Variants in NUBP1 observed in about 807,000 individuals in gnomAD.
The protein encoded by NUBP1 is NUBP iron-sulfur cluster assembly factor 1, cytosolic.
Under a neutral mutation model 41.8 loss-of-function variants are expected in NUBP1, and 46 were observed. The ratio of observed to expected loss-of-function variants is 1.10; its 90% CI spans 0.87 to 1.41. NUBP1 has a LOEUF of 1.41. NUBP1 is among the 40% of genes most tolerant of loss of function. NUBP1 has a pLI of 0.00. For synonymous variants in NUBP1, 189 were observed against 154.6 expected, an observed-to-expected ratio of 1.22 and a Z score of -1.65; for missense variants, 494 against 414.0, an observed-to-expected ratio of 1.19 and a Z score of -1.68.
In NUBP1 at chr16:10,743,954, T is replaced by C. The variant is rs775868146; in HGVS notation, c.20-7T>C. On this transcript the variant is annotated splice_region_variant and splice_polypyrimidine_tract_variant and intron_variant, in intron 1 of 10. Coordinates refer to ENST00000283027, the MANE Select transcript of NUBP1 (RefSeq NM_002484.4). ...GCTGCTCTAACTGTGGTCTTGTCTC[T>C]GCGCAGACTGTCCAGGGGCCGACAG... 4 of 1,592,154 alleles carry C rather than the reference T, an allele frequency of 2.5e-6. No homozygotes were observed. The highest frequency in any genetic ancestry group is 2.7e-5 in the African/African-American group (2 of 73,814).
chr16:10,760,179 T>C (rs1900844314), intron 7 of NUBP1, among the ~76,000 whole-genome samples: 1 of 152,248 alleles, frequency 6.6e-6, no homozygotes, highest in South Asian at 2.1e-4. Context: ...AGAGCAGGGA[T>C]TGGCAAACTT....
intron 9 of NUBP1, chr16:10,763,943 A>G: frequency 5.5e-6 from 1 of 180,772 alleles, no homozygotes; most frequent in Non-Finnish European, 1.2e-5. Context: ...TCCCAGCCCA[A>G]GGGAGTATCT....
rs755187193 is a variant in NUBP1 at position 10,752,625 on chromosome 16, A to G, written c.274A>G (p.Ile92Val). Residue 92 changes from isoleucine to valine, a missense_variant, in exon 4 of 11, where the codon ATC (isoleucine) becomes GTC (valine). Coordinates refer to ENST00000283027, the MANE Select transcript of NUBP1 (RefSeq NM_002484.4). ...DENTQIALLDIDICGPSIPKI... is the reference protein window; with the variant it reads ...DENTQIALLDVDICGPSIPKI... ...TTGTCCCCAGATTGCTCTTCTAGAC[A>G]TCGATATATGTGGGCCATCGATTCC... The G allele has an allele frequency of 1.9e-5, 30 of 1,613,786 alleles. No homozygotes were observed. The highest frequency in any genetic ancestry group is 2.4e-5 in the Non-Finnish European group (28 of 1,179,738).
rs58201009 is a variant in NUBP1, at chr16:10,749,126, T to TACACAC, written c.258+1889_258+1894dup. On this transcript the variant is annotated intron_variant, in intron 3 of 10. Coordinates refer to ENST00000283027, the MANE Select transcript of NUBP1 (RefSeq NM_002484.4). This position sits in a 1 kb window ranked among gnomAD's most constrained non-coding sequence, Gnocchi z 4.1. ...GGATATAGATAGATACACAGACACA[T>TACACAC]ACACACACACACACACACACACACA... Among the ~76,000 whole-genome samples, 143 of 121,082 alleles carry TACACAC rather than the reference T, an allele frequency of 1.2e-3. No homozygotes were observed. The highest frequency in any genetic ancestry group is 1.3e-3 in the Non-Finnish European group (72 of 55,346). The allele number at this position is 121,082 out of a possible 152,430, so 79.4% of individuals were successfully genotyped here. A position where few individuals can be genotyped will look rare whatever the true frequency, so the allele number is the denominator to read the frequency against.
Position 10,767,608 on chromosome 16 carries a change from T to A in NUBP1, c.821-341T>A. On this transcript the variant is annotated intron_variant, in intron 9 of 10. Transcript: ENST00000283027. This position sits in a 1 kb window ranked among gnomAD's most constrained non-coding sequence, Gnocchi z 4.6. ...ATCCTTTTGCATTCTGTACTTTTTT[T>A]AACCATGTGCATTCATGATCCTTTC... 1 of 450,822 alleles carries A rather than the reference T, an allele frequency of 2.2e-6. No individual in the cohort carries two copies. The highest frequency in any genetic ancestry group is 3.9e-6 in the Non-Finnish European group (1 of 256,668). 27.9% of individuals were successfully genotyped at this position (450,822 alleles called of 1,614,324 possible).
Position 10,765,238 on chromosome 16 carries a change from A to G in NUBP1, c.821-2711A>G, listed in dbSNP as rs547532373. ...CTTACCCAAAGTCTCCTGATACTAA[A>G]TGATAGCAACTAACTCCATTAAATA... On this transcript the variant is annotated intron_variant, in intron 9 of 10. Transcript: ENST00000283027. The surrounding 1 kb of genome is among the most constrained non-coding windows in gnomAD (Gnocchi z 4.0). The G allele has an allele frequency of 6.6e-6, 1 of 151,256 alleles. No homozygotes were observed. Among genetic ancestry groups the G allele is most frequent in the East Asian group, 1.9e-4 (1 of 5,152 alleles). 9.4% of individuals were successfully genotyped at this position (151,256 alleles called of 1,614,324 possible). A position where few individuals can be genotyped will look rare whatever the true frequency, so the allele number is the denominator to read the frequency against.
At chr16:10,752,755 A>G in intron 4 of NUBP1, 77 bp downstream of exon 4, 1 of 1,200,618 alleles carries the variant, frequency 8.3e-7, no homozygotes, top group African/African-American at 1.5e-5. Context: ...AAACCTCAAC[A>G]AAGAGGCATG....
In NUBP1 at chr16:10,754,214, G is replaced by GTTTATTTTATTTTAT. The variant is rs201160711; in HGVS notation, c.328-1484_328-1470dup. 8.1e-4 allele frequency among the ~76,000 whole-genome samples: 119 copies of GTTTATTTTATTTTAT among 146,084 alleles called. 1 individual carries two copies. Among genetic ancestry groups the GTTTATTTTATTTTAT allele is most frequent in the African/African-American group, 2.8e-3 (111 of 39,262 alleles). On this transcript the variant is annotated intron_variant, in intron 4 of 10. Transcript: ENST00000283027. Reference sequence around the variant, plus strand: ...AAATAGGAATGAATGGTTTTGTGGGGTTTATTTTATTTTATTTTATTTTAT... The same window carrying GTTTATTTTATTTTAT: ...AAATAGGAATGAATGGTTTTGTGGGGTTTATTTTATTTTATTTTATTTTATTTTATTTTATTTTAT...
At chr16:10,744,768 T>C (rs904454103) in intron 2 of NUBP1, among the ~76,000 whole-genome samples, 5 of 150,582 alleles carry the variant, frequency 3.3e-5, no homozygotes, top group African/African-American at 7.4e-5. Context: ...TTTTTCCCCC[T>C]TTTTTTTTAG....
chr16:10,752,701 A>C, intron 4 of NUBP1, 23 bp downstream of exon 4: 2 of 1,604,232 alleles, frequency 1.2e-6, no homozygotes, highest in Non-Finnish European at 1.7e-6. Context: ...TACAGAACTC[A>C]GGAAATTATT....
chr16:10,751,173 A>G (rs1900296127), intron 3 of NUBP1, among the ~76,000 whole-genome samples: 1 of 152,132 alleles, frequency 6.6e-6, no homozygotes, highest in African/African-American at 2.4e-5. Context: ...TCACTCCCCA[A>G]GGGAGTGAAA....
intron 4 of NUBP1, among the ~76,000 whole-genome samples, chr16:10,753,889 A>T (rs924945037): frequency 1.5e-4 from 23 of 152,066 alleles, no homozygotes; most frequent in African/African-American, 3.4e-4. Flanking sequence ...GAGGGGCTGG[A>T]GGGTGGCCCG....
intron 2 of NUBP1, among the ~76,000 whole-genome samples, chr16:10,746,285 G>A (rs1185372608): frequency 6.6e-6 from 1 of 152,206 alleles, no homozygotes; most frequent in East Asian, 1.9e-4. Context: ...CAGATACTTA[G>A]TATGTGCCTG....
At chr16:10,747,989 C>T (rs1036982646) in intron 3 of NUBP1, among the ~76,000 whole-genome samples, 7 of 152,080 alleles carry the variant, frequency 4.6e-5, no homozygotes, top group Non-Finnish European at 8.8e-5. Flanking sequence ...ACTCTGTCAC[C>T]CAGGCTGAAG....
rs1046847415 is a variant in NUBP1 at position 10,757,075 on chromosome 16, G to A, written c.451+295G>A. Among the ~76,000 whole-genome samples, 2 of 152,144 alleles carry A rather than the reference G, an allele frequency of 1.3e-5. No individual in the cohort carries two copies. Among genetic ancestry groups the A allele is most frequent in the African/African-American group, 2.4e-5 (1 of 41,422 alleles). On this transcript the variant is annotated intron_variant, in intron 6 of 10. Coordinates refer to ENST00000283027, the MANE Select transcript of NUBP1 (RefSeq NM_002484.4). The surrounding 1 kb of genome is among the most constrained non-coding windows in gnomAD (Gnocchi z 4.1). The stretch of plus-strand genomic sequence containing the variant: ...AGCACTTTGGGAGGCCGAGGCAGGT[G>A]GATCACCTGAGGTCAGGAGTTCAAG...
In NUBP1 at chr16:10,747,298, G is replaced by C. The variant is rs772135093; in HGVS notation, c.258+22G>C. On this transcript the variant is annotated intron_variant, in intron 3 of 10. Transcript: ENST00000283027. ...ACAGGTGAGACCTCAGGAACCACTG[G>C]GAGATGCTCATTTTGTCTGAGGGTC... The C allele has an allele frequency of 1.9e-6, 3 of 1,610,040 alleles. No homozygotes were observed. The African/African-American group carries it at 4.0e-5, about 22-fold the overall frequency.
chr16:10,744,045 CG>C lies in NUBP1; in HGVS notation c.109del (p.Ala37ProfsTer7). 1.3e-6 allele frequency: 2 copies of C among 1,481,656 alleles called. No homozygotes were observed. The highest frequency in any genetic ancestry group is 2.1e-5 in the Admixed American group (1 of 47,924). The allele number at this position is 1,481,656 out of a possible 1,614,324, so 91.8% of individuals were successfully genotyped here. A position where few individuals can be genotyped will look rare whatever the true frequency, so the allele number is the denominator to read the frequency against. Reference sequence around the variant, plus strand: ...AACCAGCGGCTGTGCGCTTCTGGAGCGGGGGCCACTCCGGACACGGGTGAGA... The same window carrying C: ...AACCAGCGGCTGTGCGCTTCTGGAGCGGGGCCACTCCGGACACGGGTGAGA... Reference protein sequence around the residue: ...CPNQRLCASGAGATPDTAIEE... With the variant: ...CPNQRLCASGXGATPDTAIEE... On this transcript the variant is annotated frameshift_variant, in exon 2 of 11. Transcript: ENST00000283027. LOFTEE classifies it high-confidence loss of function.
In NUBP1 at chr16:10,767,476, ATG is replaced by A. The variant is rs2031067619; in HGVS notation, c.821-466_821-465del. 2 of 402,396 alleles carry A rather than the reference ATG, an allele frequency of 5.0e-6. No individual in the cohort carries two copies. Among genetic ancestry groups the A allele is most frequent in the Non-Finnish European group, 8.7e-6 (2 of 229,314 alleles). The allele number at this position is 402,396 out of a possible 1,614,324, so 24.9% of individuals were successfully genotyped here. ...ATTTTAGGTATATGAGAGTGTGTGTATGTGTGTGCGCACACATGCAAGTGTGC... is the reference window on the plus strand; with the variant it reads ...ATTTTAGGTATATGAGAGTGTGTGTATGTGTGCGCACACATGCAAGTGTGC... On this transcript the variant is annotated intron_variant, in intron 9 of 10. Coordinates refer to ENST00000283027, the MANE Select transcript of NUBP1 (RefSeq NM_002484.4). The surrounding 1 kb of genome is among the most constrained non-coding windows in gnomAD (Gnocchi z 4.6).
At chr16:10,761,982 G>C in intron 9 of NUBP1, 123 bp downstream of exon 9, 2 of 715,662 alleles carry the variant, frequency 2.8e-6, no homozygotes, top group Non-Finnish European at 4.6e-6. Flanking sequence ...TGGGGCGCTG[G>C]AGCCAGACCC....
Sources: allele counts gnomAD v4.1 joint callset (sites outside exome capture counted in the v4.1 genomes callset), GRCh38; gene constraint gnomAD v4.1.1; non-coding constraint Gnocchi (gnomAD v3.1); transcripts MANE v1.5; gene names NCBI Gene and HGNC (gene_info 2026-07-23, HGNC 2026-07-21).